Variants in PHLPP2 observed in about 807,000 individuals in gnomAD.
The protein encoded by PHLPP2 is PH domain and leucine rich repeat protein phosphatase 2, also known as PH domain leucine-rich repeat-containing protein phosphatase 2.
Under a neutral mutation model 124.9 loss-of-function variants are expected in PHLPP2, and 66 were observed. The ratio of observed to expected loss-of-function variants is 0.53; its 90% confidence interval spans 0.43 to 0.65. PHLPP2 has a LOEUF of 0.65. Ranked by LOEUF, PHLPP2 falls within the 30% of genes least tolerant of loss-of-function variation. The pLI, the probability that PHLPP2 is intolerant of heterozygous loss-of-function variation, is 0.00. For missense variants in PHLPP2, 1,685 were observed against 1,600.4 expected (o/e 1.05, Z -0.90); for synonymous variants, 681 against 624.7 (o/e 1.09, Z -1.34).
At chr16:71,709,244 T>G (rs185901015) in intron 2 of PHLPP2, among the ~76,000 whole-genome samples, 1 of 152,302 alleles carries the variant, frequency 6.6e-6, no homozygotes, top group Admixed American at 6.5e-5. Context: ...GGATGTTTCA[T>G]TCCACCTTTA....
intron 1 of PHLPP2, chr16:71,723,802 C>T: frequency 7.7e-7 from 1 of 1,303,726 alleles, no homozygotes. Flanking sequence ...GCCGGCGGCT[C>T]GCGGGCGCTT....
intron 8 of PHLPP2, 149 bp downstream of exon 8, chr16:71,678,606 T>G (rs1179805896): frequency 1.1e-5 from 7 of 610,694 alleles, no homozygotes; most frequent in Non-Finnish European, 2.0e-5. Flanking sequence ...TGCCACTGTA[T>G]GCCAGCTTGG....
intron 2 of PHLPP2, among the ~76,000 whole-genome samples, chr16:71,705,023 G>A (rs930109744): frequency 3.9e-5 from 6 of 152,182 alleles, no homozygotes; most frequent in African/African-American, 9.6e-5. Flanking sequence ...AGAACAATGA[G>A]AAGGTGCATA....
intron 15 of PHLPP2, 139 bp downstream of exon 15, chr16:71,658,094 A>G (rs762811976): frequency 7.8e-5 from 53 of 682,448 alleles, no homozygotes; most frequent in Non-Finnish European, 1.2e-4. Context: ...ACTTAATCAA[A>G]GAAGAGAACC....
chr16:71,682,933 G>A (rs1231198813), intron 5 of PHLPP2, among the ~76,000 whole-genome samples: 2 of 152,264 alleles, frequency 1.3e-5, no homozygotes, highest in East Asian at 3.9e-4. Flanking sequence ...CACTGTGGGA[G>A]GCCAAGGCGG....
intron 10 of PHLPP2, among the ~76,000 whole-genome samples, chr16:71,671,046 A>G (rs2044888513): frequency 6.6e-6 from 1 of 151,998 alleles, no homozygotes; most frequent in South Asian, 2.1e-4. Flanking sequence ...AAGAACCAAT[A>G]AGCTCCAGAT....
intron 2 of PHLPP2, among the ~76,000 whole-genome samples, chr16:71,703,161 G>C (rs1465445827): frequency 1.3e-5 from 2 of 152,014 alleles, no homozygotes; most frequent in Non-Finnish European, 2.9e-5. Context: ...TACAAAATCT[G>C]CTCTTGATTT....
chr16:71,702,469 T>A (rs1597013668), intron 3 of PHLPP2, 129 bp downstream of exon 3: 1 of 656,488 alleles, frequency 1.5e-6, no homozygotes, highest in East Asian at 2.6e-5. Context: ...TGGTTGGTGT[T>A]AACTACGTTA....
At chr16:71,665,917 A>G (rs1010906874) in intron 12 of PHLPP2, among the ~76,000 whole-genome samples, 3 of 152,258 alleles carry the variant, frequency 2.0e-5, no homozygotes, top group Non-Finnish European at 4.4e-5. Context: ...TGTATTATAC[A>G]TTAAGAGATG....
At chr16:71,675,211 T>C (rs1002041296) in intron 9 of PHLPP2, among the ~76,000 whole-genome samples, 1 of 152,200 alleles carries the variant, frequency 6.6e-6, no homozygotes, top group African/African-American at 2.4e-5. Flanking sequence ...AGGAAGATGC[T>C]TCTCCTCGCC....
chr16:71,654,610 C>G (rs899227012), intron 17 of PHLPP2, among the ~76,000 whole-genome samples: 3 of 152,164 alleles, frequency 2.0e-5, no homozygotes, highest in Non-Finnish European at 4.4e-5. Flanking sequence ...CAACTATAAG[C>G]TAATGGGGTA....
chr16:71,701,965 C>G (rs2045236740), intron 3 of PHLPP2, among the ~76,000 whole-genome samples: 2 of 152,140 alleles, frequency 1.3e-5, no homozygotes, highest in Admixed American at 1.3e-4. Context: ...TTTCAGTCAT[C>G]CACTAAGGAT....
rs539433114 is a variant in PHLPP2 at position 71,658,772 on chromosome 16, C to T, written c.2029G>A (p.Gly677Ser). The T allele has an allele frequency of 1.9e-6, 3 of 1,614,104 alleles. No individual in the cohort carries two copies. Among genetic ancestry groups the T allele is most frequent in the Admixed American group, 3.3e-5 (2 of 60,026 alleles). ...LEQLEELNLS[G>S]NKLKTIPTTI... is the part of the protein sequence containing the mutation. ...GTGGGAATGGTTTTAAGCTTGTTGCCACTTAGGTTCAGTTCCTCCAATTGC... is the reference window on the plus strand; with the variant it reads ...GTGGGAATGGTTTTAAGCTTGTTGCTACTTAGGTTCAGTTCCTCCAATTGC... Residue 677 changes from glycine (G) to serine (S), a missense_variant, in exon 14 of 19, where the codon GGC (glycine) becomes AGC (serine). Physicochemically the swap from Gly to Ser is moderately conservative, Grantham distance 56. Coordinates refer to ENST00000568954, the MANE Select transcript of PHLPP2 (RefSeq NM_015020.3).
chr16:71,690,387 C>G (rs1490439217), intron 4 of PHLPP2, 132 bp downstream of exon 4: 1 of 673,780 alleles, frequency 1.5e-6, no homozygotes, highest in Non-Finnish European at 2.6e-6. Context: ...GAAACAGTCT[C>G]TGATATAATC....
chr16:71,648,752 C>CT lies in PHLPP2; in HGVS notation c.*137dup, dbSNP rs1338168191. ...CACCATTGCACTCCAGCCTGAGCGA[C>CT]TGAGCAAGACTCCGTCTCAAAACAA... On this transcript the variant is annotated 3_prime_UTR_variant, in exon 19 of 19. Coordinates refer to ENST00000568954, the MANE Select transcript of PHLPP2 (RefSeq NM_015020.3). The CT allele has an allele frequency of 8.8e-6, 6 of 685,144 alleles. No homozygotes were observed. In the African/African-American group the frequency reaches 9.0e-5, roughly 10 times the overall value. The allele number at this position is 685,144 out of a possible 1,614,324, so 42.4% of individuals were successfully genotyped here. A position where few individuals can be genotyped will look rare whatever the true frequency, so the allele number is the denominator to read the frequency against.
intron 1 of PHLPP2, among the ~76,000 whole-genome samples, chr16:71,719,210 A>C (rs112320016): frequency 6.6e-6 from 1 of 152,218 alleles, no homozygotes. Flanking sequence ...TCTTACATCA[A>C]ACAAGTATAC....
chr16:71,721,721 C>G (rs1389384235), intron 1 of PHLPP2, among the ~76,000 whole-genome samples: 1 of 151,902 alleles, frequency 6.6e-6, no homozygotes, highest in African/African-American at 2.4e-5. Flanking sequence ...GCTGTAACTT[C>G]CTATCTTCTA....
intron 10 of PHLPP2, among the ~76,000 whole-genome samples, chr16:71,671,194 T>C (rs2044889660): frequency 6.6e-6 from 1 of 152,006 alleles, no homozygotes; most frequent in Non-Finnish European, 1.5e-5. Flanking sequence ...CAGGAAGAAA[T>C]GGAAGGGAAT....
chr16:71,719,470 G>T (rs889248954), intron 1 of PHLPP2, among the ~76,000 whole-genome samples: 2 of 152,208 alleles, frequency 1.3e-5, no homozygotes, highest in Non-Finnish European at 2.9e-5. Flanking sequence ...AACACAGTAG[G>T]TGGAGACTGC....
Sources: gnomAD v4.1 joint callset for allele counts (sites outside exome capture counted in the v4.1 genomes callset) on GRCh38, gnomAD v4.1.1 for gene constraint, MANE v1.5 for transcripts, NCBI Gene and HGNC (gene_info 2026-07-23, HGNC 2026-07-21) for gene names.